Variants in DEPTOR observed in about 807,000 individuals in gnomAD.
The protein encoded by DEPTOR is DEP domain-containing mTOR-interacting protein.
In DEPTOR, 41 loss-of-function variants were observed where a neutral mutation model predicts 41.6. The observed-to-expected ratio is 0.98, with a 90% CI of 0.77 to 1.28. The LOEUF (loss-of-function observed/expected upper bound fraction) is 1.28, where lower values mean the gene tolerates loss of function less well. Ranked by LOEUF, DEPTOR falls within the 50% of genes most tolerant of loss-of-function variation. The pLI is 0.00. For synonymous variants in DEPTOR, 195 were observed against 192.3 expected (o/e 1.01, Z -0.12); for missense variants, 514 against 527.9 (o/e 0.97, Z 0.26).
chr8:119,927,582 CATATATATTATATATATATAAAT>C (rs1022730975), intron 1 of DEPTOR, among the ~76,000 whole-genome samples: 2 of 146,694 alleles, frequency 1.4e-5, no homozygotes, highest in South Asian at 2.1e-4. Context: ...TATATATATA[CATATATATTATATATATATAAAT>C]ATATATATTA....
intron 8 of DEPTOR, among the ~76,000 whole-genome samples, chr8:120,029,027 C>T (rs1452658569): frequency 6.6e-6 from 1 of 151,092 alleles, no homozygotes; most frequent in African/African-American, 2.4e-5. Flanking sequence ...GAGCTGAGAT[C>T]GCGCCATTGC....
chr8:119,998,960 A>AT (rs1405191802), intron 4 of DEPTOR, among the ~76,000 whole-genome samples: 1 of 142,044 alleles, frequency 7.0e-6, no homozygotes, highest in Non-Finnish European at 1.6e-5. Flanking sequence ...AAAAAAAAAA[A>AT]AGAAGAAGAA....
rs915060942 is a variant in DEPTOR, at chr8:119,885,263, T to C, written c.122+11295T>C. Among the ~76,000 whole-genome samples the C allele has an allele frequency of 1.3e-4, 20 of 152,196 alleles. 1 individual carries two copies. The highest frequency in any genetic ancestry group is 4.6e-4 in the African/African-American group (19 of 41,458). The stretch of plus-strand genomic sequence containing the variant: ...TGCAAAAAGTGGGGTTTATTCCCTG[T>C]AGTGGTATATGACTGTGTTTTACAT... On this transcript the variant is annotated intron_variant, in intron 1 of 8. Coordinates refer to ENST00000286234, the MANE Select transcript of DEPTOR (RefSeq NM_022783.4).
chr8:119,948,474 A>C (rs1828311096), intron 3 of DEPTOR, among the ~76,000 whole-genome samples: 3 of 152,054 alleles, frequency 2.0e-5, no homozygotes, highest in Admixed American at 1.3e-4. Context: ...ATATTTATTA[A>C]ATGAATGAAC....
At chr8:119,966,935 G>A (rs1463913956) in intron 4 of DEPTOR, among the ~76,000 whole-genome samples, 3 of 152,186 alleles carry the variant, frequency 2.0e-5, no homozygotes, top group Non-Finnish European at 4.4e-5. Flanking sequence ...GACAAAAAGG[G>A]TATGATCTAA....
intron 8 of DEPTOR, among the ~76,000 whole-genome samples, chr8:120,014,461 G>GA (rs1217451219): frequency 4.6e-5 from 7 of 152,068 alleles, no homozygotes; most frequent in African/African-American, 1.7e-4. Flanking sequence ...ATTCCAGGAG[G>GA]AAAAAAATCT....
At chr8:119,899,112 G>A (rs1332119997) in intron 1 of DEPTOR, among the ~76,000 whole-genome samples, 7 of 152,200 alleles carry the variant, frequency 4.6e-5, no homozygotes, top group South Asian at 2.1e-4. Context: ...ATTGTAGATA[G>A]AAAGTCATAC....
intron 3 of DEPTOR, among the ~76,000 whole-genome samples, chr8:119,933,564 C>T (rs1828073476): frequency 6.6e-6 from 1 of 151,186 alleles, no homozygotes; most frequent in African/African-American, 2.4e-5. Flanking sequence ...ACCTAAGCTT[C>T]TTTTTAAAAT....
intron 4 of DEPTOR, among the ~76,000 whole-genome samples, chr8:119,986,715 T>G (rs1364261137): frequency 6.6e-6 from 1 of 152,042 alleles, no homozygotes; most frequent in Non-Finnish European, 1.5e-5. Flanking sequence ...TCTTGGAGGC[T>G]ATGTTTGTTC....
chr8:119,959,531 C>CTT (rs1055976492), intron 3 of DEPTOR, among the ~76,000 whole-genome samples: 2 of 137,908 alleles, frequency 1.5e-5, no homozygotes, highest in East Asian at 2.2e-4. Context: ...TCTAAATAAT[C>CTT]TTTTTTTTTT....
At chr8:119,879,105 G>A (rs1014224724) in intron 1 of DEPTOR, among the ~76,000 whole-genome samples, 1 of 112,310 alleles carries the variant, frequency 8.9e-6, no homozygotes, top group Non-Finnish European at 2.0e-5. Flanking sequence ...AGCAAAACTC[G>A]GTCTCAAAAA....
chr8:119,976,337 G>C (rs1828696301), intron 4 of DEPTOR, among the ~76,000 whole-genome samples: 1 of 152,066 alleles, frequency 6.6e-6, no homozygotes, highest in Admixed American at 6.6e-5. Flanking sequence ...GTTCATTTCT[G>C]TATTCCTATT....
chr8:119,931,217 A>G (rs368617697), intron 3 of DEPTOR, among the ~76,000 whole-genome samples: 1 of 150,762 alleles, frequency 6.6e-6, no homozygotes, highest in African/African-American at 2.4e-5. Context: ...TCTCAAAACT[A>G]AAAAAAAACA....
At chr8:119,930,992 A>C (rs71532476) in intron 3 of DEPTOR, among the ~76,000 whole-genome samples, 400 of 152,212 alleles carry the variant, frequency 2.6e-3, no homozygotes, top group Non-Finnish European at 4.3e-3. Context: ...TGGGTGGATC[A>C]CTTGAGGTCA....
intron 8 of DEPTOR, among the ~76,000 whole-genome samples, chr8:120,027,351 C>A (rs1235430503): frequency 1.3e-5 from 2 of 151,858 alleles, no homozygotes; most frequent in African/African-American, 4.8e-5. Context: ...TAAGTACCAC[C>A]AACTCAGTTT....
chr8:119,932,498 A>G (rs554846546), intron 3 of DEPTOR, among the ~76,000 whole-genome samples: 1 of 152,300 alleles, frequency 6.6e-6, no homozygotes, highest in Non-Finnish European at 1.5e-5. Context: ...CTTCCATCCT[A>G]TGGGCCAGTC....
chr8:119,958,636 G>T (rs1828449000), intron 3 of DEPTOR, among the ~76,000 whole-genome samples: 1 of 151,996 alleles, frequency 6.6e-6, no homozygotes, highest in African/African-American at 2.4e-5. Flanking sequence ...ACAAAAATTA[G>T]CCAGGTGTGG....
intron 3 of DEPTOR, among the ~76,000 whole-genome samples, chr8:119,962,086 CAAAAA>C (rs772605916): frequency 1.7e-4 from 8 of 48,198 alleles, no homozygotes; most frequent in East Asian, 7.7e-4. Context: ...ACTAAAAATA[CAAAAA>C]AAAAAAAAAA....
At chr8:119,976,456 C>T (rs891756223) in intron 4 of DEPTOR, among the ~76,000 whole-genome samples, 1 of 152,142 alleles carries the variant, frequency 6.6e-6, no homozygotes, top group Admixed American at 6.5e-5. Context: ...TTACTGAGGA[C>T]TTGGCCTTTG....
Sources: allele counts gnomAD v4.1 joint callset (sites outside exome capture counted in the v4.1 genomes callset), GRCh38; gene constraint gnomAD v4.1.1; transcripts MANE v1.5; gene names NCBI Gene and HGNC (gene_info 2026-07-23, HGNC 2026-07-21).